The following SORL1 variants were observed in gnomAD, a reference collection of about 807,000 sequenced individuals.
The protein encoded by SORL1 is sortilin-related receptor.
SORL1 carries 127 observed loss-of-function variants against 273.7 expected under a neutral mutation model. The ratio of observed to expected loss-of-function variants is 0.46; its 90% CI spans 0.40 to 0.54. SORL1 has a LOEUF of 0.54. Ranked by LOEUF, SORL1 falls within the 20% of genes least tolerant of loss-of-function variation. The pLI, the probability that SORL1 is intolerant of heterozygous loss-of-function variation, is 0.00. For missense variants in SORL1, 2,494 were observed against 2,846.1 expected, an observed-to-expected ratio of 0.88 and a Z score of 2.81; for synonymous variants, 1,031 against 1,067.4, an observed-to-expected ratio of 0.97 and a Z score of 0.66.
chr11:121,583,750 T>C (rs978542778), intron 26 of SORL1, among the ~76,000 whole-genome samples, 167 bp downstream of exon 26: 1 of 152,224 alleles, frequency 6.6e-6, no homozygotes, highest in African/African-American at 2.4e-5. Flanking sequence ...CCATATGATG[T>C]ATCAGATTAT....
intron 44 of SORL1, among the ~76,000 whole-genome samples, 171 bp from the exon 45 acceptor site, chr11:121,621,991 A>G (rs1315999359): frequency 6.6e-6 from 1 of 152,258 alleles, no homozygotes; most frequent in Middle Eastern, 3.2e-3. Context: ...AGATGCCAAT[A>G]AAGAATATCT....
intron 30 of SORL1, 75 bp downstream of exon 30, chr11:121,590,249 G>A: frequency 6.9e-7 from 1 of 1,446,430 alleles, no homozygotes; most frequent in Non-Finnish European, 9.3e-7. Flanking sequence ...TATGCAGGAT[G>A]TGCCTGGCTG....
At chr11:121,518,206 A>G (rs967957296) in intron 8 of SORL1, among the ~76,000 whole-genome samples, 2 of 152,196 alleles carry the variant, frequency 1.3e-5, no homozygotes, top group African/African-American at 4.8e-5. Flanking sequence ...GAGTGGGGCT[A>G]TAGGGGACCT....
chr11:121,497,419 C>T (rs540501406), intron 6 of SORL1, among the ~76,000 whole-genome samples: 1 of 152,332 alleles, frequency 6.6e-6, no homozygotes, highest in South Asian at 2.1e-4. Context: ...ATCCCACTGC[C>T]TGATTTCCTT....
At chr11:121,604,444 A>G in intron 33 of SORL1, 120 bp downstream of exon 33, 1 of 1,303,666 alleles carries the variant, frequency 7.7e-7, no homozygotes, top group South Asian at 1.5e-5. Context: ...CAATCTAAGG[A>G]TAAAACAGAT....
intron 31 of SORL1, among the ~76,000 whole-genome samples, chr11:121,592,338 G>GAATC (rs1454727373): frequency 1.3e-5 from 2 of 152,124 alleles, no homozygotes; most frequent in African/African-American, 4.8e-5. Flanking sequence ...CACCCTAATG[G>GAATC]AATCGCCTGG....
At chr11:121,617,362 A>T (rs371459297) in intron 41 of SORL1, among the ~76,000 whole-genome samples, 1 of 152,252 alleles carries the variant, frequency 6.6e-6, no homozygotes, top group East Asian at 1.9e-4. Context: ...TCCTTGTCTC[A>T]TAATGTTATG....
chr11:121,590,990 G>T lies in SORL1; in HGVS notation c.4214-11G>T, dbSNP rs1863204059. 1.9e-6 allele frequency: 3 copies of T among 1,614,122 alleles called. No homozygotes were observed. Among genetic ancestry groups the T allele is most frequent in the Non-Finnish European group, 2.5e-6 (3 of 1,180,046 alleles). Reference sequence around the variant, plus strand: ...AATGTTTTGGGTTTCCGTGCTTGGTGTTTTTCTCAGATTCACATATTCTTC... The same window carrying T: ...AATGTTTTGGGTTTCCGTGCTTGGTTTTTTTCTCAGATTCACATATTCTTC... On this transcript the variant is annotated splice_polypyrimidine_tract_variant and intron_variant, in intron 30 of 47. Transcript: ENST00000260197.
intron 1 of SORL1, among the ~76,000 whole-genome samples, chr11:121,466,388 T>G (rs568247884): frequency 6.6e-6 from 1 of 152,026 alleles, no homozygotes; most frequent in Non-Finnish European, 1.5e-5. Flanking sequence ...TGGGGATGGA[T>G]GGAAAAGGAA....
At chr11:121,545,059 G>T (rs539782378) in intron 13 of SORL1, among the ~76,000 whole-genome samples, 184 bp from the exon 14 acceptor site, 1 of 152,316 alleles carries the variant, frequency 6.6e-6, no homozygotes, top group South Asian at 2.1e-4. Flanking sequence ...CTGCGTTTCA[G>T]GTATCCTTTT....
chr11:121,523,305 G>A (rs1862069360), intron 11 of SORL1, among the ~76,000 whole-genome samples: 1 of 152,114 alleles, frequency 6.6e-6, no homozygotes, highest in Admixed American at 6.5e-5. Context: ...CATGGAGTGG[G>A]GGCTCAGGGC....
intron 25 of SORL1, 68 bp from the exon 26 acceptor site, chr11:121,583,390 C>T (rs1863040314): frequency 1.3e-6 from 2 of 1,498,606 alleles, no homozygotes; most frequent in Non-Finnish European, 1.8e-6. Context: ...TTTCAGCCCA[C>T]CCCCTTGGAC....
intron 11 of SORL1, among the ~76,000 whole-genome samples, chr11:121,526,451 C>T (rs936286147): frequency 1.3e-5 from 2 of 152,044 alleles, no homozygotes; most frequent in Admixed American, 6.5e-5. Flanking sequence ...GTAGGTCGTT[C>T]GTATTTCCTG....
At chr11:121,555,133 G>T in intron 17 of SORL1, 54 bp from the exon 18 acceptor site, 1 of 1,554,276 alleles carries the variant, frequency 6.4e-7, no homozygotes, top group Non-Finnish European at 8.7e-7. Context: ...GACTGACTTG[G>T]CAGGGGGTCG....
chr11:121,546,767 T>C (rs1432710335), intron 14 of SORL1: 1 of 152,214 alleles, frequency 6.6e-6, no homozygotes, highest in Non-Finnish European at 1.5e-5. Flanking sequence ...TGTGATCCAG[T>C]AAATCTCTAT....
chr11:121,500,593 C>T (rs1283877599), intron 6 of SORL1, among the ~76,000 whole-genome samples: 1 of 152,164 alleles, frequency 6.6e-6, no homozygotes, highest in Non-Finnish European at 1.5e-5. Context: ...AATATGGCTC[C>T]AAAAGCCTAA....
intron 11 of SORL1, among the ~76,000 whole-genome samples, chr11:121,524,701 C>T (rs1445560546): frequency 6.6e-6 from 1 of 151,762 alleles, no homozygotes; most frequent in African/African-American, 2.4e-5. Flanking sequence ...CTCAGAATTC[C>T]TTTTTTTGTG....
intron 41 of SORL1, among the ~76,000 whole-genome samples, chr11:121,618,551 C>T (rs181545714): frequency 1.3e-5 from 2 of 152,308 alleles, no homozygotes; most frequent in East Asian, 3.9e-4. Context: ...CCAGAAGGAG[C>T]GCTTTGAGGA....
chr11:121,475,522 A>G (rs1480541722), intron 2 of SORL1, among the ~76,000 whole-genome samples: 1 of 152,208 alleles, frequency 6.6e-6, no homozygotes, highest in East Asian at 1.9e-4. Context: ...GCACGATGGC[A>G]GCGGCATGGC....
Sources: gnomAD v4.1 joint callset for allele counts (sites outside exome capture counted in the v4.1 genomes callset) on GRCh38, gnomAD v4.1.1 for gene constraint, MANE v1.5 for transcripts, NCBI Gene and HGNC (gene_info 2026-07-23, HGNC 2026-07-21) for gene names.